The following WDR59 variants were observed in gnomAD, a reference collection of about 807,000 sequenced individuals.
WDR59 encodes WD repeat domain 59.
Under a neutral mutation model 131.2 loss-of-function variants are expected in WDR59, and 100 were observed. The ratio of observed to expected loss-of-function variants is 0.76; its 90% CI spans 0.65 to 0.90. The LOEUF is 0.90. Among genes scored for constraint, WDR59 ranks in the 40% least tolerant of loss-of-function variants. WDR59 has a pLI of 0.00. For synonymous variants in WDR59, 601 were observed against 466.2 expected, an observed-to-expected ratio of 1.29 and a Z score of -3.72; for missense variants, 1,203 against 1,262.2, an observed-to-expected ratio of 0.95 and a Z score of 0.71.
At chr16:74,930,846 T>G (rs1162084113) in intron 8 of WDR59, 2 of 133,154 alleles carry the variant, frequency 1.5e-5, no homozygotes, top group African/African-American at 5.8e-5. Context: ...TGAGCTGAGA[T>G]TGTGCCACAA....
intron 25 of WDR59, among the ~76,000 whole-genome samples, chr16:74,875,318 A>G (rs1000518711): frequency 5.9e-5 from 9 of 152,138 alleles, no homozygotes; most frequent in African/African-American, 2.2e-4. Context: ...TTTTGGATGA[A>G]AGGCCATTTC....
intron 18 of WDR59, among the ~76,000 whole-genome samples, chr16:74,898,764 G>C (rs545212809): frequency 6.6e-6 from 1 of 152,346 alleles, no homozygotes; most frequent in Non-Finnish European, 1.5e-5. Flanking sequence ...AGAGCGGGCA[G>C]GGAGTCTAAA....
At chr16:74,963,392 T>C (rs1218085155) in intron 2 of WDR59, 1 of 152,196 alleles carries the variant, frequency 6.6e-6, no homozygotes, top group Non-Finnish European at 1.5e-5. Flanking sequence ...ATATACATCA[T>C]GGAGTACTAT....
intron 2 of WDR59, among the ~76,000 whole-genome samples, chr16:74,958,978 G>C (rs935883764): frequency 6.6e-5 from 10 of 152,146 alleles, no homozygotes; most frequent in Non-Finnish European, 1.5e-5. Context: ...AGGATCACTT[G>C]AACCTGGGAA....
chr16:74,889,460 A>G (rs1964933897), intron 21 of WDR59, among the ~76,000 whole-genome samples: 1 of 152,192 alleles, frequency 6.6e-6, no homozygotes, highest in Admixed American at 6.6e-5. Context: ...ATGAATCTCT[A>G]AAGGATACAT....
intron 1 of WDR59, among the ~76,000 whole-genome samples, chr16:74,979,764 C>G (rs2034325303): frequency 6.8e-6 from 1 of 148,016 alleles, no homozygotes; most frequent in African/African-American, 2.5e-5. Flanking sequence ...TGGTCTCGAA[C>G]TCCCAACCTC....
chr16:74,883,041 T>G (rs1964582109), intron 25 of WDR59, among the ~76,000 whole-genome samples: 1 of 144,172 alleles, frequency 6.9e-6, no homozygotes, highest in Non-Finnish European at 1.5e-5. Flanking sequence ...TTTTTTTTTT[T>G]TGAGACAGAG....
intron 8 of WDR59, among the ~76,000 whole-genome samples, chr16:74,936,409 C>A (rs935133832): frequency 6.6e-6 from 1 of 152,144 alleles, no homozygotes; most frequent in Non-Finnish European, 1.5e-5. Context: ...CCCAGACTCA[C>A]AGGTAGGAAA....
intron 1 of WDR59, among the ~76,000 whole-genome samples, chr16:74,977,703 A>G (rs1006441824): frequency 1.3e-5 from 2 of 152,194 alleles, no homozygotes; most frequent in African/African-American, 4.8e-5. Flanking sequence ...AGAAAAATAA[A>G]TAAATCAATA....
chr16:74,903,491 T>TAAA (rs11402420), intron 18 of WDR59, among the ~76,000 whole-genome samples: 1 of 148,450 alleles, frequency 6.7e-6, no homozygotes, highest in Non-Finnish European at 1.5e-5. Flanking sequence ...AGACTTAGTA[T>TAAA]AAAAAAAAAA....
intron 2 of WDR59, among the ~76,000 whole-genome samples, chr16:74,959,118 A>C (rs1228578595): frequency 6.6e-6 from 1 of 152,004 alleles, no homozygotes; most frequent in Admixed American, 6.6e-5. Context: ...TGGCTGCCTC[A>C]GTGGAGAGTG....
intron 18 of WDR59, 122 bp downstream of exon 18, chr16:74,903,825 C>G (rs3636): frequency 0.39 from 480,794 of 1,240,042 alleles, 98,851 homozygotes; most frequent in East Asian, 0.6. Context: ...CTTGAACAAA[C>G]TGATTACGAA....
rs548032066 is a variant in WDR59 at position 74,984,858 on chromosome 16, G to A, written c.54+106C>T. The stretch of plus-strand genomic sequence containing the variant: ...TAAGCCCCGCCCACCTCCTCAGTAC[G>A]GGGCCTAGGGTCTCCCCGTAGCCCC... On this transcript the variant is annotated intron_variant, in intron 1 of 25. Coordinates refer to ENST00000262144, the MANE Select transcript of WDR59 (RefSeq NM_030581.4). 2.0e-6 allele frequency: 3 copies of A among 1,507,102 alleles called. No individual in the cohort carries two copies. In the East Asian group the frequency reaches 7.3e-5, roughly 37 times the overall value. The allele number at this position is 1,507,102 out of a possible 1,614,324, so 93.4% of individuals were successfully genotyped here.
chr16:74,924,669 T>TTC (rs2030598693), intron 8 of WDR59, among the ~76,000 whole-genome samples: 1 of 152,188 alleles, frequency 6.6e-6, no homozygotes, highest in Non-Finnish European at 1.5e-5. Flanking sequence ...ACACATACGC[T>TTC]TAGAACTCCA....
chr16:74,893,160 A>G (rs4888307), intron 19 of WDR59, among the ~76,000 whole-genome samples: 30,248 of 152,154 alleles, frequency 0.2, 3,292 homozygotes, highest in Middle Eastern at 0.24. Flanking sequence ...GTGAATATTG[A>G]TGGGATATCA....
chr16:74,898,410 G>A (rs2144858523), intron 18 of WDR59, among the ~76,000 whole-genome samples: 1 of 152,312 alleles, frequency 6.6e-6, no homozygotes, highest in East Asian at 1.9e-4. Flanking sequence ...TGTCCCCACA[G>A]ATTTCATGAG....
intron 25 of WDR59, among the ~76,000 whole-genome samples, chr16:74,885,448 CAAA>C (rs397855343): frequency 0.016 from 995 of 62,310 alleles, 6 homozygotes; most frequent in African/African-American, 0.058. Context: ...GATTCCATCT[CAAA>C]AAAAAAAAAA....
chr16:74,904,183 A>G, intron 17 of WDR59, 83 bp from the exon 18 acceptor site: 1 of 1,513,318 alleles, frequency 6.6e-7, no homozygotes, highest in Non-Finnish European at 9.0e-7. Context: ...ACTTGATACC[A>G]AAAGGAGAAG....
Position 74,874,418 on chromosome 16 carries a change from G to A in WDR59, c.2716C>T (p.Arg906Trp), listed in dbSNP as rs760782448. 1.7e-5 allele frequency: 28 copies of A among 1,613,888 alleles called. No individual in the cohort carries two copies. The highest frequency in any genetic ancestry group is 1.6e-4 in the Middle Eastern group (1 of 6,084). Residue 906 changes from arginine (R) to tryptophan (W), a missense_variant, in exon 26 of 26, where the codon CGG becomes TGG. Arg to Trp is a moderately radical substitution (Grantham distance 101). Transcript: ENST00000262144. ...IEFGVYCSHC[R>W]SEVRGTQCAI... is the part of the protein sequence containing the mutation. ...CACTGCGTGCCACGGACCTCACTCC[G>A]GCAGTGGCTGCAGTACACGCCGAAC...
Sources: gnomAD v4.1 joint callset for allele counts (sites outside exome capture counted in the v4.1 genomes callset) on GRCh38, gnomAD v4.1.1 for gene constraint, MANE v1.5 for transcripts, NCBI Gene and HGNC (gene_info 2026-07-23, HGNC 2026-07-21) for gene names.